SYN3: variants seen among roughly 807,000 people sequenced by gnomAD.
SYN3 encodes synapsin III, also known as synapsin-3.
SYN3 carries 35 observed loss-of-function variants against 65.8 expected under a neutral mutation model. The ratio of observed to expected loss-of-function variants is 0.53; its 90% confidence interval spans 0.41 to 0.70. The LOEUF is 0.70. SYN3 is among the 30% of genes least tolerant of loss of function. SYN3 has a pLI of 0.00. For synonymous variants in SYN3, 270 were observed against 292.9 expected (o/e 0.92, Z 0.80); for missense variants, 680 against 749.0 (o/e 0.91, Z 1.08).
At chr22:32,618,663 T>A (rs1360689445) in intron 6 of SYN3, among the ~76,000 whole-genome samples, 4 of 152,192 alleles carry the variant, frequency 2.6e-5, no homozygotes, top group African/African-American at 9.7e-5. Flanking sequence ...GCCAAGCTCC[T>A]AAATCACTAA....
At chr22:32,868,017 T>C (rs1472431286) in intron 5 of SYN3, among the ~76,000 whole-genome samples, 2 of 152,330 alleles carry the variant, frequency 1.3e-5, no homozygotes, top group Non-Finnish European at 1.5e-5. Flanking sequence ...ATGGCTTAAA[T>C]TGTGGCCTCA....
intron 4 of SYN3, 133 bp from the exon 5 acceptor site, chr22:32,869,258 G>A: frequency 1.2e-6 from 1 of 846,804 alleles, no homozygotes; most frequent in Admixed American, 2.4e-5. Flanking sequence ...AGCAGGTGGG[G>A]GATGAGGGCA....
rs544147649 is a variant in SYN3 at position 32,905,744 on chromosome 22, C to G, written c.461+25646G>C. Reference sequence around the variant, plus strand: ...GCTGCAAGAGCCTGTATTCCCTGCACTCTGCCTCTGCCCTCCTATATGGGC... The same window carrying G: ...GCTGCAAGAGCCTGTATTCCCTGCAGTCTGCCTCTGCCCTCCTATATGGGC... On this transcript the variant is annotated intron_variant, in intron 4 of 13. Coordinates refer to ENST00000358763, the MANE Select transcript of SYN3 (RefSeq NM_003490.4). 3.3e-5 allele frequency among the ~76,000 whole-genome samples: 5 copies of G among 152,354 alleles called. No individual in the cohort carries two copies. In the East Asian group the frequency reaches 9.6e-4, roughly 29 times the overall value.
intron 6 of SYN3, among the ~76,000 whole-genome samples, chr22:32,706,632 C>G (rs2060884410): frequency 1.3e-5 from 2 of 152,184 alleles, no homozygotes; most frequent in Admixed American, 6.5e-5. Flanking sequence ...AGAGACGGGG[C>G]AGCTGAGGGG....
intron 6 of SYN3, among the ~76,000 whole-genome samples, chr22:32,776,382 AC>A (rs1182767854): frequency 6.6e-6 from 1 of 152,196 alleles, no homozygotes; most frequent in Non-Finnish European, 1.5e-5. Flanking sequence ...CCTCAGAGTC[AC>A]CCATGAGGCA....
intron 6 of SYN3, among the ~76,000 whole-genome samples, chr22:32,605,319 G>A (rs575137051): frequency 1.3e-5 from 2 of 152,300 alleles, no homozygotes; most frequent in Admixed American, 1.3e-4. Flanking sequence ...AGCTTGGGAA[G>A]GGCCTGGCAC....
intron 6 of SYN3, chr22:32,861,628 A>T (rs1232229464): frequency 6.6e-6 from 1 of 152,610 alleles, no homozygotes; most frequent in Non-Finnish European, 1.5e-5. Flanking sequence ...GCTGAGTGTG[A>T]GGCACCTGAA....
intron 6 of SYN3, among the ~76,000 whole-genome samples, chr22:32,795,077 C>A (rs568281257): frequency 6.6e-6 from 1 of 152,152 alleles, no homozygotes; most frequent in Non-Finnish European, 1.5e-5. Context: ...AGCTGTGGAC[C>A]GTGGGGCCCT....
At chr22:32,865,658 C>T (rs2048669949) in intron 5 of SYN3, among the ~76,000 whole-genome samples, 1 of 152,212 alleles carries the variant, frequency 6.6e-6, no homozygotes, top group Non-Finnish European at 1.5e-5. Flanking sequence ...CATCCCTTCC[C>T]ACTGCTCTCC....
chr22:33,026,601 A>G (rs1289162834), intron 1 of SYN3, among the ~76,000 whole-genome samples: 1 of 152,134 alleles, frequency 6.6e-6, no homozygotes, highest in Non-Finnish European at 1.5e-5. Context: ...TGGGCTCTCT[A>G]TGAAGCCAGT....
intron 6 of SYN3, among the ~76,000 whole-genome samples, chr22:32,715,294 T>C (rs759685219): frequency 3.7e-4 from 56 of 152,210 alleles, no homozygotes; most frequent in African/African-American, 1.2e-3. Flanking sequence ...TAGTCTCTGG[T>C]ATGTCCTGTA....
intron 4 of SYN3, among the ~76,000 whole-genome samples, chr22:32,888,909 A>G (rs1268729510): frequency 1.3e-5 from 2 of 152,190 alleles, no homozygotes; most frequent in Non-Finnish European, 1.5e-5. Context: ...CTTGATCTCT[A>G]TTGCCCAGTT....
chr22:32,547,248 G>A (rs970295459), intron 7 of SYN3, among the ~76,000 whole-genome samples: 2 of 152,096 alleles, frequency 1.3e-5, no homozygotes, highest in Non-Finnish European at 2.9e-5. Context: ...GCCTCCCAAA[G>A]TGCTGGGATT....
chr22:32,672,762 C>T (rs1227487675), intron 6 of SYN3, among the ~76,000 whole-genome samples: 1 of 152,172 alleles, frequency 6.6e-6, no homozygotes, highest in Non-Finnish European at 1.5e-5. Flanking sequence ...GGGTGGTTCC[C>T]ACATTGGGAA....
At chr22:32,665,737 A>G (rs1253946579) in intron 6 of SYN3, among the ~76,000 whole-genome samples, 1 of 151,848 alleles carries the variant, frequency 6.6e-6, no homozygotes, top group East Asian at 1.9e-4. Flanking sequence ...ACTTTGTATC[A>G]GTGAAGTGTC....
chr22:32,730,459 G>T (rs1325813523), intron 6 of SYN3, among the ~76,000 whole-genome samples: 1 of 152,214 alleles, frequency 6.6e-6, no homozygotes, highest in South Asian at 2.1e-4. Flanking sequence ...TGAATCAATA[G>T]ACTGGTATTC....
intron 6 of SYN3, among the ~76,000 whole-genome samples, chr22:32,695,095 A>G (rs2060717494): frequency 6.6e-6 from 1 of 152,176 alleles, no homozygotes; most frequent in South Asian, 2.1e-4. Flanking sequence ...TTTAGTTCAG[A>G]AAAGTTTTCT....
rs2060065058 is a variant in SYN3 at position 32,651,175 on chromosome 22, C to T, written c.712-54439G>A. On this transcript the variant is annotated intron_variant, in intron 6 of 13. Transcript: ENST00000358763. ...ATAAGACTCCCTTCTTGGGACCTCACTAAGGAGGTCAGTGAGTCTACTAAA... is the reference window on the plus strand; with the variant it reads ...ATAAGACTCCCTTCTTGGGACCTCATTAAGGAGGTCAGTGAGTCTACTAAA... Among the ~76,000 whole-genome samples, 3 of 152,292 alleles carry T rather than the reference C, an allele frequency of 2.0e-5. No individual in the cohort carries two copies. The South Asian group carries it at 6.2e-4, about 32-fold the overall frequency.
intron 7 of SYN3, among the ~76,000 whole-genome samples, chr22:32,542,305 T>C (rs2058269069): frequency 1.3e-5 from 2 of 152,154 alleles, no homozygotes; most frequent in South Asian, 2.1e-4. Flanking sequence ...GGAGCGTGCA[T>C]GTGTGCATGG....
Sources: gnomAD v4.1 joint callset for allele counts (sites outside exome capture counted in the v4.1 genomes callset) on GRCh38, gnomAD v4.1.1 for gene constraint, MANE v1.5 for transcripts, NCBI Gene and HGNC (gene_info 2026-07-23, HGNC 2026-07-21) for gene names.